The following NPR3 variants were observed in gnomAD, a reference collection of about 807,000 sequenced individuals.
The protein encoded by NPR3 is natriuretic peptide receptor 3, also known as atrial natriuretic peptide receptor 3.
NPR3 carries 34 observed loss-of-function variants against 54.5 expected under a neutral mutation model. The ratio of observed to expected loss-of-function variants is 0.62; its 90% confidence interval spans 0.47 to 0.83. The LOEUF (loss-of-function observed/expected upper bound fraction) is 0.83, where lower values mean the gene tolerates loss of function less well. Among genes scored for constraint, NPR3 ranks in the 40% least tolerant of loss-of-function variants. The pLI, the probability that NPR3 is intolerant of heterozygous loss-of-function variation, is 0.00. For synonymous variants in NPR3, 289 were observed against 297.1 expected, an observed-to-expected ratio of 0.97 and a Z score of 0.28; for missense variants, 674 against 720.8, an observed-to-expected ratio of 0.94 and a Z score of 0.74.
At chr5:32,763,214 A>G (rs1230799866) in intron 3 of NPR3, among the ~76,000 whole-genome samples, 1 of 152,196 alleles carries the variant, frequency 6.6e-6, no homozygotes, top group Non-Finnish European at 1.5e-5. Flanking sequence ...TACCAGTACC[A>G]TGCTGTTTTG....
intron 1 of NPR3, among the ~76,000 whole-genome samples, chr5:32,692,856 C>T (rs1395353625): frequency 6.6e-6 from 1 of 152,182 alleles, no homozygotes; most frequent in Non-Finnish European, 1.5e-5. Flanking sequence ...GGTGGTGGCT[C>T]ACGCCGGTAA....
At chr5:32,739,191 T>TTTTA (rs1739917728) in intron 3 of NPR3, among the ~76,000 whole-genome samples, 161 bp downstream of exon 3, 5 of 151,544 alleles carry the variant, frequency 3.3e-5, no homozygotes, top group African/African-American at 1.2e-4. Flanking sequence ...GTGTTTTTTT[T>TTTTA]TTTTCCTTTC....
At chr5:32,751,560 G>A (rs76531638) in intron 3 of NPR3, among the ~76,000 whole-genome samples, 4,251 of 152,234 alleles carry the variant, frequency 0.028, 69 homozygotes, top group Middle Eastern at 0.088. Context: ...ATATTTGCTC[G>A]TTTGAGGTTA....
intron 1 of NPR3, among the ~76,000 whole-genome samples, chr5:32,704,400 G>A (rs1737932331): frequency 6.6e-6 from 1 of 151,446 alleles, no homozygotes; most frequent in African/African-American, 2.4e-5. Context: ...GTGTGTGTGT[G>A]TGTATAGTTG....
At chr5:32,710,838 C>A, upstream of NPR3, 1 of 1,431,060 alleles carries the variant, frequency 7.0e-7, no homozygotes, top group Non-Finnish European at 9.3e-7. Context: ...TTTCTAGAAC[C>A]ATCCCTTTCC....
chr5:32,700,156 A>G (rs1402247989), intron 1 of NPR3, among the ~76,000 whole-genome samples: 1 of 152,112 alleles, frequency 6.6e-6, no homozygotes, highest in East Asian at 1.9e-4. Flanking sequence ...GGAGTTTCAT[A>G]ATTAAATGTC....
upstream of NPR3, chr5:32,710,558 G>C (rs569720969): frequency 2.0e-4 from 266 of 1,320,720 alleles, no homozygotes; most frequent in Non-Finnish European, 2.6e-4. Flanking sequence ...GCACCGCTGC[G>C]ATTCCAGCGC....
intron 3 of NPR3, among the ~76,000 whole-genome samples, chr5:32,753,854 G>A (rs915166376): frequency 3.3e-5 from 5 of 152,194 alleles, no homozygotes; most frequent in African/African-American, 1.2e-4. Flanking sequence ...CCCTGCTCAT[G>A]AGACATGTCT....
intron 1 of NPR3, chr5:32,716,598 TG>T: frequency 6.0e-6 from 2 of 332,358 alleles, no homozygotes; most frequent in South Asian, 2.5e-5. Flanking sequence ...CATTCCAGCC[TG>T]GGCAACATAG....
At chr5:32,710,451 A>G (rs1292940604), upstream of NPR3, 1 of 417,522 alleles carries the variant, frequency 2.4e-6, no homozygotes, top group Non-Finnish European at 4.0e-6. Flanking sequence ...CACCTCCAGA[A>G]GTTGAACCAT....
At position 32,789,621 on chromosome 5, in the gene NPR3, A is replaced by G. The variant is rs1462998502; in HGVS notation, c.*3276A>G. ...CTTTGGAATGCCCTCACTTCTCCCT[A>G]TTCACAGGCTTCTAAAATCATTAAT... On this transcript the variant is annotated 3_prime_UTR_variant, in exon 8 of 8. Coordinates refer to ENST00000265074, the MANE Select transcript of NPR3 (RefSeq NM_001204375.2). 8 of 534,588 alleles carry G rather than the reference A, an allele frequency of 1.5e-5. No individual in the cohort carries two copies. Among genetic ancestry groups the G allele is most frequent in the South Asian group, 4.2e-5 (3 of 71,592 alleles). The allele number at this position is 534,588 out of a possible 1,614,324, so 33.1% of individuals were successfully genotyped here.
At chr5:32,745,840 T>C (rs1740268028) in intron 3 of NPR3, among the ~76,000 whole-genome samples, 1 of 152,182 alleles carries the variant, frequency 6.6e-6, no homozygotes, top group Non-Finnish European at 1.5e-5. Flanking sequence ...AAACCATCAT[T>C]CCTTTGATAA....
intron 3 of NPR3, among the ~76,000 whole-genome samples, chr5:32,758,990 C>A (rs1357446709): frequency 6.6e-6 from 1 of 152,156 alleles, no homozygotes; most frequent in South Asian, 2.1e-4. Context: ...AATTTCTGTT[C>A]TTTTACATTT....
In NPR3 at chr5:32,787,025, TA is replaced by T. The variant is rs5867157; in HGVS notation, c.*691del. 2.7e-3 allele frequency: 389 copies of T among 145,218 alleles called. No individual in the cohort carries two copies. Among genetic ancestry groups the T allele is most frequent in the Middle Eastern group, 7.1e-3 (2 of 280 alleles). 9.0% of individuals were successfully genotyped at this position (145,218 alleles called of 1,614,324 possible). A position where few individuals can be genotyped will look rare whatever the true frequency, so the allele number is the denominator to read the frequency against. ...AGTCAAAAATATTTCCTTTTTGATG[TA>T]AAAAAAAAAAGCCCTATTTCGCACT... On this transcript the variant is annotated 3_prime_UTR_variant, in exon 8 of 8. Coordinates refer to ENST00000265074, the MANE Select transcript of NPR3 (RefSeq NM_001204375.2).
intron 2 of NPR3, among the ~76,000 whole-genome samples, chr5:32,734,716 A>T (rs1739638620): frequency 6.6e-6 from 1 of 152,236 alleles, no homozygotes; most frequent in Non-Finnish European, 1.5e-5. Flanking sequence ...GTGCAGCCCA[A>T]TGTGGTAGCC....
At chr5:32,738,780 G>T in intron 2 of NPR3, 84 bp from the exon 3 acceptor site, 2 of 1,222,712 alleles carry the variant, frequency 1.6e-6, no homozygotes, top group South Asian at 1.4e-5. Context: ...AGTAACATGC[G>T]GGGGCGCCTC....
chr5:32,742,892 T>C (rs1419926012), intron 3 of NPR3, among the ~76,000 whole-genome samples: 1 of 152,196 alleles, frequency 6.6e-6, no homozygotes, highest in Non-Finnish European at 1.5e-5. Flanking sequence ...TTTTTTTACT[T>C]TAGGCGTTAT....
intron 2 of NPR3, among the ~76,000 whole-genome samples, chr5:32,738,231 G>T (rs1739851994): frequency 6.6e-6 from 1 of 152,106 alleles, no homozygotes; most frequent in Non-Finnish European, 1.5e-5. Context: ...GTGGTTTGCT[G>T]CACCCATCAA....
rs374237399 is a variant in NPR3 at position 32,727,395 on chromosome 5, A to G, written c.892+2575A>G. Among the ~76,000 whole-genome samples the G allele has an allele frequency of 2.1e-3, 319 of 152,312 alleles. 1 individual carries two copies. The highest frequency in any genetic ancestry group is 7.4e-3 in the African/African-American group (308 of 41,564). ...TGCCTGCCTCAGCCTCCCAAAATCC[A>G]AAGGGACTACAAGCATGAGCTACCA... On this transcript the variant is annotated intron_variant, in intron 2 of 7. Coordinates refer to ENST00000265074, the MANE Select transcript of NPR3 (RefSeq NM_001204375.2).
Sources: allele counts gnomAD v4.1 joint callset (sites outside exome capture counted in the v4.1 genomes callset), GRCh38; gene constraint gnomAD v4.1.1; transcripts MANE v1.5; gene names NCBI Gene and HGNC (gene_info 2026-07-23, HGNC 2026-07-21).